EML5: variants seen among roughly 807,000 people sequenced by gnomAD.
The protein encoded by EML5 is echinoderm microtubule-associated protein-like 5.
In EML5, 120 loss-of-function variants were observed where a neutral mutation model predicts 250.0. That is an observed-to-expected ratio of 0.48 (90% CI 0.41 to 0.56). EML5 has a LOEUF of 0.56. EML5 is among the 20% of genes least tolerant of loss of function. The pLI is 0.00. For missense variants in EML5, 2,006 were observed against 2,437.6 expected (o/e 0.82, Z 3.73); for synonymous variants, 771 against 806.5 (o/e 0.96, Z 0.75).
At chr14:88,785,191 G>T (rs1566802120) in intron 1 of EML5, among the ~76,000 whole-genome samples, 5 of 152,160 alleles carry the variant, frequency 3.3e-5, no homozygotes. Context: ...AGCTGGAAAG[G>T]GTCGTGGAGG....
intron 20 of EML5, among the ~76,000 whole-genome samples, chr14:88,684,462 G>A (rs917687009): frequency 8.9e-5 from 13 of 146,672 alleles, no homozygotes; most frequent in African/African-American, 2.8e-4. Flanking sequence ...GAGCCACCGC[G>A]CCCGGCCTGT....
At chr14:88,723,527 T>C (rs1305762179) in intron 8 of EML5, among the ~76,000 whole-genome samples, 2 of 152,208 alleles carry the variant, frequency 1.3e-5, no homozygotes, top group Admixed American at 6.6e-5. Flanking sequence ...GAAGATATAC[T>C]GTATGGCACA....
In EML5 at chr14:88,663,090, T is replaced by G. The variant is rs2092181440; in HGVS notation, c.3439A>C (p.Lys1147Gln). 6.4e-7 allele frequency: 1 copy of G among 1,553,588 alleles called. No individual in the cohort carries two copies. Among genetic ancestry groups the G allele is most frequent in the South Asian group, 1.2e-5 (1 of 84,038 alleles). ...GKLLQVNTGA[K>Q]EQLFFEAPRG... ...GGAGCTTCAAAGAATAATTGTTCCT[T>G]AGCACCAGTGTTGACCTGTAAAAGC... is the stretch of plus-strand genomic sequence containing the variant. The change falls in exon 24 of 44, where the codon AAG becomes CAG. Residue 1147 changes from lysine (K) to glutamine (Q), a missense_variant. Physicochemically the swap from Lys to Gln is moderately conservative, Grantham distance 53. Transcript: ENST00000554922.
At chr14:88,751,506 A>G (rs1032866925) in intron 2 of EML5, among the ~76,000 whole-genome samples, 1 of 149,374 alleles carries the variant, frequency 6.7e-6, no homozygotes, top group African/African-American at 2.4e-5. Flanking sequence ...CAAGAGGAAG[A>G]GTTTTTTTTT....
intron 1 of EML5, among the ~76,000 whole-genome samples, chr14:88,785,310 C>T (rs1292042826): frequency 6.6e-6 from 1 of 152,056 alleles, no homozygotes. Context: ...TTTAATTGTA[C>T]ATTTTAGAAT....
intron 22 of EML5, 101 bp from the exon 23 acceptor site, chr14:88,664,725 T>C (rs1245359908): frequency 1.0e-5 from 12 of 1,166,712 alleles, no homozygotes; most frequent in Non-Finnish European, 1.4e-5. Flanking sequence ...GGAGAAATCT[T>C]AGCTGTTTCA....
Position 88,618,344 on chromosome 14 carries a change from A to G in EML5, c.5539-13T>C, listed in dbSNP as rs755921077. ...AGCCACTAGAGACCTTTTTCATCAG[A>G]TTAAAATGGGACAAGAATTCCATTA... On this transcript the variant is annotated splice_polypyrimidine_tract_variant and intron_variant, in intron 40 of 43. Coordinates refer to ENST00000554922, the MANE Select transcript of EML5 (RefSeq NM_183387.3). The G allele has an allele frequency of 6.2e-7, 1 of 1,610,180 alleles. No homozygotes were observed. Among genetic ancestry groups the G allele is most frequent in the Admixed American group, 1.7e-5 (1 of 60,000 alleles).
intron 1 of EML5, among the ~76,000 whole-genome samples, chr14:88,773,576 C>T (rs1167000585): frequency 1.3e-5 from 2 of 152,146 alleles, no homozygotes; most frequent in African/African-American, 2.4e-5. Flanking sequence ...TGGTTTTCAA[C>T]CCTGCCTGCA....
intron 8 of EML5, among the ~76,000 whole-genome samples, chr14:88,716,017 G>C (rs1595639391): frequency 6.6e-6 from 1 of 152,054 alleles, no homozygotes; most frequent in Non-Finnish European, 1.5e-5. Context: ...TGGAGTTTGT[G>C]GGCAGGAGAA....
chr14:88,760,343 G>GTTGTTTGTTTGT (rs61035833), intron 1 of EML5, among the ~76,000 whole-genome samples: 1 of 151,206 alleles, frequency 6.6e-6, no homozygotes, highest in Non-Finnish European at 1.5e-5. Context: ...GTAGGTTATA[G>GTTGTTTGTTTGT]TTGTTTGTTT....
intron 1 of EML5, among the ~76,000 whole-genome samples, chr14:88,757,194 A>G (rs1185172698): frequency 6.6e-6 from 1 of 152,184 alleles, no homozygotes; most frequent in East Asian, 1.9e-4. Context: ...TGATTTCAAC[A>G]AGGGTGGTGC....
intron 33 of EML5, among the ~76,000 whole-genome samples, chr14:88,628,571 TA>T (rs1434145943): frequency 2.0e-5 from 3 of 152,118 alleles, no homozygotes; most frequent in Non-Finnish European, 2.9e-5. Flanking sequence ...ATTCAGCAGT[TA>T]ATTCAATCTC....
In EML5 at chr14:88,638,838, A is replaced by T. The variant is rs1259355145; in HGVS notation, c.4307T>A (p.Phe1436Tyr). The T allele has an allele frequency of 6.3e-7, 1 of 1,596,718 alleles. No individual in the cohort carries two copies. The highest frequency in any genetic ancestry group is 1.1e-5 in the South Asian group (1 of 87,558). Residue 1436 changes from phenylalanine (F) to tyrosine (Y), a missense_variant, in exon 32 of 44, where the codon TTT becomes TAT. Coordinates refer to ENST00000554922, the MANE Select transcript of EML5 (RefSeq NM_183387.3). ...TTGGCCAGTTGCCACTATGTTGATA[A>T]ATTTGGGGTGCTGGTTTACTGTGAG... is the stretch of plus-strand genomic sequence containing the variant. ...LCLTVNQHPKFINIVATGQVG... is the reference protein window; with the variant it reads ...LCLTVNQHPKYINIVATGQVG...
At chr14:88,653,176 C>T (rs2091713782) in intron 27 of EML5, among the ~76,000 whole-genome samples, 1 of 152,162 alleles carries the variant, frequency 6.6e-6, no homozygotes, top group African/African-American at 2.4e-5. Flanking sequence ...ACTTGCTTAT[C>T]AGCTTAAGAA....
intron 10 of EML5, among the ~76,000 whole-genome samples, chr14:88,709,379 G>T (rs957652041): frequency 6.7e-6 from 1 of 149,406 alleles, no homozygotes; most frequent in Non-Finnish European, 1.5e-5. Context: ...TATTATTAGA[G>T]TATATAAAGT....
At chr14:88,785,131 A>T (rs184182199) in intron 1 of EML5, among the ~76,000 whole-genome samples, 8 of 152,300 alleles carry the variant, frequency 5.3e-5, no homozygotes, top group Admixed American at 2.0e-4. Flanking sequence ...GGGATCTAAA[A>T]ATCAAAACAA....
Position 88,665,496 on chromosome 14 carries a change from G to C in EML5, c.3125-7C>G, listed in dbSNP as rs2140989632. ...AAACAGCAACACCTCCCACCTGAAA[G>C]AGAAAGAGCATATTAGGCAATTTTC... is the stretch of plus-strand genomic sequence containing the variant. On this transcript the variant is annotated splice_region_variant and splice_polypyrimidine_tract_variant and intron_variant, in intron 21 of 43. Transcript: ENST00000554922. 6.2e-7 allele frequency: 1 copy of C among 1,613,514 alleles called. No individual in the cohort carries two copies. Among genetic ancestry groups the C allele is most frequent in the Non-Finnish European group, 8.5e-7 (1 of 1,179,776 alleles).
At chr14:88,762,942 T>C (rs1566769248) in intron 1 of EML5, among the ~76,000 whole-genome samples, 1 of 151,924 alleles carries the variant, frequency 6.6e-6, no homozygotes, top group Non-Finnish European at 1.5e-5. Flanking sequence ...AAGGCAGAAA[T>C]ACGTTCTTTG....
At chr14:88,684,269 C>T (rs1371529068) in intron 20 of EML5, among the ~76,000 whole-genome samples, 1 of 308 alleles carries the variant, frequency 3.2e-3, no homozygotes, top group Non-Finnish European at 5.2e-3. Context: ...CTCCCGGGTT[C>T]ACGCCATTCT....
Sources: gnomAD v4.1 joint callset for allele counts (sites outside exome capture counted in the v4.1 genomes callset) on GRCh38, gnomAD v4.1.1 for gene constraint, MANE v1.5 for transcripts, NCBI Gene and HGNC (gene_info 2026-07-23, HGNC 2026-07-21) for gene names.